Variants in DLG1 observed in about 807,000 individuals in gnomAD.
The protein encoded by DLG1 is disks large homolog 1.
Under a neutral mutation model 123.4 loss-of-function variants are expected in DLG1, and 42 were observed. The ratio of observed to expected loss-of-function variants is 0.34; its 90% CI spans 0.27 to 0.44. The LOEUF (loss-of-function observed/expected upper bound fraction) is 0.44. Ranked by LOEUF, DLG1 falls within the 20% of genes least tolerant of loss-of-function variation. The pLI is 1.00. For synonymous variants in DLG1, 317 were observed against 356.2 expected (o/e 0.89, Z 1.24); for missense variants, 942 against 1,082.6 (o/e 0.87, Z 1.82).
In DLG1 at chr3:197,065,283, G is replaced by C. The variant is rs1738772337; in HGVS notation, c.2366C>G (p.Ala789Gly). Residue 789 changes from alanine to glycine, a missense_variant, in exon 22 of 25, where the codon GCA (alanine) becomes GGA (glycine). Ala to Gly is a moderately conservative substitution (Grantham distance 60). Transcript: ENST00000667157. Reference sequence around the variant, plus strand: ...GATTAGTCTGATGCTTACCTTTTCTGCTACTTCTCGTACAGACTGAACACT... The same window carrying C: ...GATTAGTCTGATGCTTACCTTTTCTCCTACTTCTCGTACAGACTGAACACT... ...GTSVQSVREV[A>G]EKGKHCILDV... 1 of 1,599,840 alleles carries C rather than the reference G, an allele frequency of 6.3e-7. No homozygotes were observed. The highest frequency in any genetic ancestry group is 1.4e-5 in the African/African-American group (1 of 73,948).
chr3:197,098,820 T>C (rs534714788), intron 14 of DLG1, among the ~76,000 whole-genome samples: 6 of 152,334 alleles, frequency 3.9e-5, no homozygotes, highest in East Asian at 1.9e-4. Context: ...GCGTGAGCCA[T>C]TGCGCCTGGC....
chr3:197,093,726 T>C (rs970588684), intron 14 of DLG1, among the ~76,000 whole-genome samples: 3 of 152,182 alleles, frequency 2.0e-5, no homozygotes, highest in Non-Finnish European at 2.9e-5. Context: ...CTGAAATTGT[T>C]CTCAGTTCTG....
rs554754991 is a variant in DLG1, at chr3:197,044,464, T to C, written c.*159A>G. 68 of 487,282 alleles carry C rather than the reference T, an allele frequency of 1.4e-4. 1 individual carries two copies. The highest frequency in any genetic ancestry group is 1.2e-3 in the African/African-American group (62 of 50,524). 30.2% of individuals were successfully genotyped at this position (487,282 alleles called of 1,614,324 possible). On this transcript the variant is annotated 3_prime_UTR_variant, in exon 25 of 25. Transcript: ENST00000667157. ...CATTAAATAATACACACGATGTAACTTGAAGGAGACACTACATGTGAAAAA... is the reference window on the plus strand; with the variant it reads ...CATTAAATAATACACACGATGTAACCTGAAGGAGACACTACATGTGAAAAA...
At chr3:197,055,220 G>C (rs975360392) in intron 23 of DLG1, among the ~76,000 whole-genome samples, 1 of 152,190 alleles carries the variant, frequency 6.6e-6, no homozygotes, top group Non-Finnish European at 1.5e-5. Flanking sequence ...CTAAGTGCCA[G>C]GATTATAGGC....
intron 16 of DLG1, among the ~76,000 whole-genome samples, chr3:197,082,855 A>C (rs1482043911): frequency 6.6e-6 from 1 of 152,124 alleles, no homozygotes; most frequent in East Asian, 1.9e-4. Flanking sequence ...ATCTTATAGA[A>C]TTTTTGTACA....
chr3:197,285,069 C>G (rs1771197357), intron 3 of DLG1, among the ~76,000 whole-genome samples: 1 of 150,096 alleles, frequency 6.7e-6, no homozygotes, highest in East Asian at 1.9e-4. Context: ...CAAGATCACA[C>G]ATTTCAGAAG....
rs116598868 is a variant in DLG1, at chr3:197,133,256, G to C, written c.1021-2585C>G. Among the ~76,000 whole-genome samples the C allele has an allele frequency of 7.4e-3, 1,129 of 152,290 alleles. 16 individuals carry two copies. Among genetic ancestry groups the C allele is most frequent in the Middle Eastern group, 0.041 (12 of 294 alleles). ...TTGGAAAGCTTACTTTTGGAACCTAGCCACCATCCTGTGTGAAACTCACCC... is the reference window on the plus strand; with the variant it reads ...TTGGAAAGCTTACTTTTGGAACCTACCCACCATCCTGTGTGAAACTCACCC... On this transcript the variant is annotated intron_variant, in intron 10 of 24. Transcript: ENST00000667157.
At chr3:197,226,761 G>C (rs1401984669) in intron 4 of DLG1, among the ~76,000 whole-genome samples, 1 of 152,130 alleles carries the variant, frequency 6.6e-6, no homozygotes, top group African/African-American at 2.4e-5. Flanking sequence ...ATACCATATG[G>C]AAAGTTTAAA....
At chr3:197,278,509 C>G (rs1767647154) in intron 4 of DLG1, among the ~76,000 whole-genome samples, 1 of 151,318 alleles carries the variant, frequency 6.6e-6, no homozygotes, top group East Asian at 1.9e-4. Context: ...AGAAAAAAAT[C>G]CCTATCACTC....
At chr3:197,297,160 A>T in intron 2 of DLG1, 26 bp downstream of exon 2, 2 of 1,613,886 alleles carry the variant, frequency 1.2e-6, no homozygotes, top group Admixed American at 3.3e-5. Context: ...TGACATCGAC[A>T]ACAGAGTTAC....
At chr3:197,205,868 G>T (rs1728254818) in intron 4 of DLG1, among the ~76,000 whole-genome samples, 1 of 152,126 alleles carries the variant, frequency 6.6e-6, no homozygotes, top group Non-Finnish European at 1.5e-5. Flanking sequence ...TACATTGCTT[G>T]GCAGGGGGCC....
At chr3:197,158,292 G>A (rs1797216481) in intron 5 of DLG1, among the ~76,000 whole-genome samples, 1 of 151,944 alleles carries the variant, frequency 6.6e-6, no homozygotes, top group Non-Finnish European at 1.5e-5. Context: ...AGGATGTGGA[G>A]AAATTGGAAT....
intron 11 of DLG1, among the ~76,000 whole-genome samples, chr3:197,121,361 A>T (rs902104352): frequency 6.6e-6 from 1 of 152,176 alleles, no homozygotes; most frequent in African/African-American, 2.4e-5. Flanking sequence ...TTTCTTATAT[A>T]TTAAGATGAA....
At chr3:197,181,906 G>C (rs1712295441) in intron 5 of DLG1, among the ~76,000 whole-genome samples, 1 of 152,144 alleles carries the variant, frequency 6.6e-6, no homozygotes, top group Non-Finnish European at 1.5e-5. Context: ...GCTTTGCAGA[G>C]CTGACTGCGA....
At chr3:197,250,865 G>A (rs1379351086) in intron 4 of DLG1, among the ~76,000 whole-genome samples, 1 of 150,820 alleles carries the variant, frequency 6.6e-6, no homozygotes, top group Admixed American at 6.6e-5. Flanking sequence ...GCAGTGGCAG[G>A]TGCCTGTAAT....
chr3:197,196,844 T>C (rs900919500), intron 4 of DLG1, among the ~76,000 whole-genome samples: 5 of 152,214 alleles, frequency 3.3e-5, no homozygotes, highest in Non-Finnish European at 5.9e-5. Flanking sequence ...AAACTATGTA[T>C]GTACATAAAT....
intron 5 of DLG1, chr3:197,161,690 C>A: frequency 6.3e-7 from 1 of 1,577,072 alleles, no homozygotes; most frequent in Non-Finnish European, 8.6e-7. Flanking sequence ...ACTGGCAGGA[C>A]AGGGATCACA....
At chr3:197,091,109 T>A (rs2149176165) in intron 14 of DLG1, 83 bp from the exon 15 acceptor site, 2 of 875,210 alleles carry the variant, frequency 2.3e-6, no homozygotes, top group Non-Finnish European at 3.6e-6. Context: ...ATGTAAACTG[T>A]CCTATAATTG....
At position 197,119,481 on chromosome 3, in the gene DLG1, G is replaced by T. The variant is rs1265190550; in HGVS notation, c.1215C>A (p.Gly405=). 1 of 1,611,578 alleles carries T rather than the reference G, an allele frequency of 6.2e-7. No individual in the cohort carries two copies. The highest frequency in any genetic ancestry group is 2.2e-5 in the East Asian group (1 of 44,736). The change falls in exon 12 of 25, where the codon GGC becomes GGA. Residue 405 remains glycine, a synonymous_variant. Coordinates refer to ENST00000667157, the MANE Select transcript of DLG1 (RefSeq NM_001366207.1). The part of the protein sequence containing the change: ...DNHVSPSSFL[G]QTPASPARYS... The stretch of plus-strand genomic sequence containing the variant: ...ATCTGGCTGGAGATGCTGGTGTCTG[G>T]CCCAAGAAGGAAGATGGGCTAACAT...
Sources: gnomAD v4.1 joint callset for allele counts (sites outside exome capture counted in the v4.1 genomes callset) on GRCh38, gnomAD v4.1.1 for gene constraint, MANE v1.5 for transcripts, NCBI Gene and HGNC (gene_info 2026-07-23, HGNC 2026-07-21) for gene names.